Variants in CEP162 observed in about 807,000 individuals in gnomAD.
CEP162 encodes the protein centrosomal protein of 162 kDa.
In CEP162, 141 loss-of-function variants were observed where a neutral mutation model predicts 169.2. That is an observed-to-expected ratio of 0.83 (90% CI 0.73 to 0.96). The LOEUF (loss-of-function observed/expected upper bound fraction) is 0.96, where lower values mean the gene tolerates loss of function less well. Ranked by LOEUF, CEP162 falls within the 40% of genes least tolerant of loss-of-function variation. CEP162 has a pLI of 0.00. For missense variants in CEP162, 1,600 were observed against 1,587.2 expected, an observed-to-expected ratio of 1.01 and a Z score of -0.14; for synonymous variants, 540 against 526.4, an observed-to-expected ratio of 1.03 and a Z score of -0.35.
intron 11 of CEP162, among the ~76,000 whole-genome samples, chr6:84,190,559 G>A (rs542893982): frequency 7.2e-5 from 11 of 151,954 alleles, no homozygotes; most frequent in African/African-American, 2.2e-4. Context: ...GCGAGACCAC[G>A]AGCCCACCGG....
chr6:84,181,118 A>G (rs930108191), intron 13 of CEP162, among the ~76,000 whole-genome samples: 3 of 152,250 alleles, frequency 2.0e-5, no homozygotes, highest in Non-Finnish European at 4.4e-5. Context: ...ACAAGGCTAC[A>G]GTAACCAAAA....
At chr6:84,130,381 T>C (rs1485052659) in intron 25 of CEP162, among the ~76,000 whole-genome samples, 7 of 152,214 alleles carry the variant, frequency 4.6e-5, no homozygotes, top group Admixed American at 1.3e-4. Context: ...TAAAATGAGT[T>C]AGGGAGGAGT....
At chr6:84,160,580 TA>T (rs1185530091) in intron 21 of CEP162, among the ~76,000 whole-genome samples, 1 of 152,168 alleles carries the variant, frequency 6.6e-6, no homozygotes, top group African/African-American at 2.4e-5. Context: ...GGGTACCAAA[TA>T]ACCTTTATCA....
intron 13 of CEP162, among the ~76,000 whole-genome samples, chr6:84,175,923 T>C (rs2099532245): frequency 6.6e-6 from 1 of 152,054 alleles, no homozygotes. Context: ...TATATTAAAT[T>C]ATAAAAAAAG....
intron 3 of CEP162, among the ~76,000 whole-genome samples, chr6:84,219,600 T>C (rs1161783629): frequency 6.6e-6 from 1 of 152,204 alleles, no homozygotes; most frequent in African/African-American, 2.4e-5. Flanking sequence ...GTCTAAAACA[T>C]AATTCTTCAC....
Position 84,149,707 on chromosome 6 carries a change from C to A in CEP162, c.3630-4G>T. On this transcript the variant is annotated splice_region_variant and splice_polypyrimidine_tract_variant and intron_variant, in intron 23 of 26. Coordinates refer to ENST00000403245, the MANE Select transcript of CEP162 (RefSeq NM_014895.4). Reference sequence around the variant, plus strand: ...TGCTGCAGTATCTTCCTTGACCCTACAGAGCAAATGAAAGAAAACCACACA... The same window carrying A: ...TGCTGCAGTATCTTCCTTGACCCTAAAGAGCAAATGAAAGAAAACCACACA... The A allele has an allele frequency of 6.7e-7, 1 of 1,494,602 alleles. No homozygotes were observed. Among genetic ancestry groups the A allele is most frequent in the Non-Finnish European group, 8.9e-7 (1 of 1,120,122 alleles). The allele number at this position is 1,494,602 out of a possible 1,614,324, so 92.6% of individuals were successfully genotyped here.
chr6:84,203,432 A>T (rs1434681446), intron 7 of CEP162, among the ~76,000 whole-genome samples: 1 of 152,192 alleles, frequency 6.6e-6, no homozygotes, highest in Non-Finnish European at 1.5e-5. Context: ...AGCTTAACTT[A>T]TTTGCCAAAA....
chr6:84,186,544 G>T lies in CEP162; in HGVS notation c.1189C>A (p.Gln397Lys). Residue 397 changes from glutamine (Q) to lysine (K), a missense_variant, in exon 12 of 27, where the codon CAA (glutamine) becomes AAA (lysine). Coordinates refer to ENST00000403245, the MANE Select transcript of CEP162 (RefSeq NM_014895.4). ...AAAAGGTTCACATGTTGTGAGTCTT[G>T]AGACAAAATATTTGGGTTCATCTTC... is the stretch of plus-strand genomic sequence containing the variant. ...PLKMNPNILSQDSQHVNLFFD... is the reference protein window; with the variant it reads ...PLKMNPNILSKDSQHVNLFFD... The T allele has an allele frequency of 1.2e-6, 2 of 1,612,648 alleles. No homozygotes were observed. Among genetic ancestry groups the T allele is most frequent in the Non-Finnish European group, 1.7e-6 (2 of 1,179,134 alleles).
intron 23 of CEP162, 65 bp downstream of exon 23, chr6:84,152,480 C>A (rs556383866): frequency 2.4e-6 from 2 of 843,482 alleles, no homozygotes; most frequent in Non-Finnish European, 3.4e-6. Flanking sequence ...GGAAATATAT[C>A]GTATAATTTT....
chr6:84,163,360 C>G (rs553491493), intron 18 of CEP162, 90 bp from the exon 19 acceptor site: 1 of 932,300 alleles, frequency 1.1e-6, no homozygotes, highest in African/African-American at 1.6e-5. Flanking sequence ...ATGAACACTA[C>G]GGCAAAATAT....
intron 25 of CEP162, among the ~76,000 whole-genome samples, chr6:84,136,105 C>T (rs1216228777): frequency 6.6e-6 from 1 of 152,148 alleles, no homozygotes; most frequent in Non-Finnish European, 1.5e-5. Flanking sequence ...TGATATTGTT[C>T]AGGTGTTCAT....
At chr6:84,185,041 T>C (rs374175037) in intron 13 of CEP162, 146 bp downstream of exon 13, 9 of 685,052 alleles carry the variant, frequency 1.3e-5, no homozygotes, top group South Asian at 2.0e-5. Flanking sequence ...TCTAACTACT[T>C]TTCATCACCT....
intron 21 of CEP162, among the ~76,000 whole-genome samples, chr6:84,160,204 G>GT (rs2099525203): frequency 6.6e-6 from 1 of 151,976 alleles, no homozygotes; most frequent in Non-Finnish European, 1.5e-5. Context: ...ATATTACAGT[G>GT]TTTTAAAAAC....
chr6:84,176,702 C>A (rs1035744214), intron 13 of CEP162, among the ~76,000 whole-genome samples: 3 of 152,090 alleles, frequency 2.0e-5, no homozygotes, highest in Non-Finnish European at 4.4e-5. Context: ...GCAAATACTC[C>A]AAAATCCAAT....
rs2099531310 is a variant in CEP162 at position 84,174,119 on chromosome 6, T to C, written c.2095A>G (p.Thr699Ala). Reference protein sequence around the residue: ...LHFGEAADPVTGEKLKQIQKE... With the variant: ...LHFGEAADPVAGEKLKQIQKE... ...TGGATTTGCTTCAACTTTTCTCCAGTGACAGGATCAGCTGCTTCTCCAAAA... is the reference window on the plus strand; with the variant it reads ...TGGATTTGCTTCAACTTTTCTCCAGCGACAGGATCAGCTGCTTCTCCAAAA... Residue 699 changes from threonine (T) to alanine (A), a missense_variant, in exon 16 of 27, where the codon ACT becomes GCT. Thr to Ala is a moderately conservative substitution (Grantham distance 58, BLOSUM62 0). Coordinates refer to ENST00000403245, the MANE Select transcript of CEP162 (RefSeq NM_014895.4). The C allele has an allele frequency of 6.2e-7, 1 of 1,611,218 alleles. No homozygotes were observed. The highest frequency in any genetic ancestry group is 1.7e-5 in the Admixed American group (1 of 59,680).
intron 13 of CEP162, among the ~76,000 whole-genome samples, chr6:84,175,782 AT>A (rs1236437749): frequency 6.6e-6 from 1 of 152,196 alleles, no homozygotes; most frequent in Non-Finnish European, 1.5e-5. Flanking sequence ...TTCAGAGCAC[AT>A]TTTTTATAAA....
At chr6:84,128,016 G>A (rs1266751048) in intron 25 of CEP162, among the ~76,000 whole-genome samples, 2 of 152,274 alleles carry the variant, frequency 1.3e-5, no homozygotes, top group Middle Eastern at 3.4e-3. Flanking sequence ...CCTTATATAT[G>A]TTTACTGTCT....
intron 6 of CEP162, among the ~76,000 whole-genome samples, chr6:84,207,175 C>G (rs1156957342): frequency 6.6e-6 from 1 of 152,176 alleles, no homozygotes; most frequent in Admixed American, 6.5e-5. Flanking sequence ...CCTCAAGGAT[C>G]TAGAACTAGA....
At chr6:84,205,596 A>G (rs2099546575) in intron 6 of CEP162, among the ~76,000 whole-genome samples, 1 of 152,192 alleles carries the variant, frequency 6.6e-6, no homozygotes, top group African/African-American at 2.4e-5. Context: ...ATTTATGACA[A>G]ACCCACAGCC....
Sources: allele counts gnomAD v4.1 joint callset (sites outside exome capture counted in the v4.1 genomes callset), GRCh38; gene constraint gnomAD v4.1.1; transcripts MANE v1.5; gene names NCBI Gene and HGNC (gene_info 2026-07-23, HGNC 2026-07-21).